TMEM47: variants seen among roughly 807,000 people sequenced by gnomAD.
TMEM47 encodes the protein transmembrane protein 47.
A neutral mutation model predicts 12.4 loss-of-function variants in TMEM47; 3 were observed. The observed-to-expected ratio is 0.24, with a 90% CI of 0.11 to 0.63. The LOEUF (loss-of-function observed/expected upper bound fraction) is 0.63, where lower values mean the gene tolerates loss of function less well. Ranked by LOEUF, TMEM47 falls within the 20% of genes least tolerant of loss-of-function variation. The probability of loss-of-function intolerance (pLI) is 0.86; values close to 1 mark genes in which losing one functional copy is unlikely to be tolerated. For missense variants in TMEM47, 89 were observed against 143.8 expected, an observed-to-expected ratio of 0.62 and a Z score of 1.95; for synonymous variants, 62 against 63.3, an observed-to-expected ratio of 0.98 and a Z score of 0.10.
intron 1 of TMEM47, among the ~76,000 whole-genome samples, chrX:34,652,825 T>C (rs1196701589): frequency 8.9e-6 from 1 of 111,872 alleles, no homozygotes; most frequent in African/African-American, 3.2e-5. Flanking sequence ...TTTATTCTTC[T>C]TATGTTCTTT....
intron 2 of TMEM47, among the ~76,000 whole-genome samples, chrX:34,632,442 T>C (rs1921643906): frequency 1.8e-5 from 2 of 111,808 alleles, no homozygotes; most frequent in Admixed American, 1.9e-4. Context: ...TCCTAGAAAG[T>C]CTACATAACA....
chrX:34,646,954 T>A (rs1271679575), intron 1 of TMEM47, among the ~76,000 whole-genome samples: 1 of 111,519 alleles, frequency 9.0e-6, no homozygotes. Context: ...AAAGACACCA[T>A]TTGTTTCACC....
In TMEM47 at chrX:34,629,316, T is replaced by TTTG. The variant is rs748001214; in HGVS notation, c.*996_*997insCAA. 23 of 111,468 alleles carry TTTG rather than the reference T, an allele frequency of 2.1e-4. No individual in the cohort carries two copies. Among genetic ancestry groups the TTTG allele is most frequent in the African/African-American group, 7.5e-4 (23 of 30,749 alleles). The allele number at this position is 111,468 out of a possible 1,213,427, so 9.2% of individuals were successfully genotyped here. A position where few individuals can be genotyped will look rare whatever the true frequency, so the allele number is the denominator to read the frequency against. ...CAGTAAAGAACATAGAGCAAAAGCT[T>TTTG]TAAGGTACCATACTTTTGTATGGTA... On this transcript the variant is annotated 3_prime_UTR_variant, in exon 3 of 3. Coordinates refer to ENST00000275954, the MANE Select transcript of TMEM47 (RefSeq NM_031442.4).
At chrX:34,633,596 G>A (rs1487766749) in intron 2 of TMEM47, among the ~76,000 whole-genome samples, 1 of 111,709 alleles carries the variant, frequency 9.0e-6, no homozygotes, top group Non-Finnish European at 1.9e-5. Flanking sequence ...CAGGCAGCTG[G>A]TAGAAGAGTT....
At chrX:34,641,144 G>C (rs1921810068) in intron 1 of TMEM47, among the ~76,000 whole-genome samples, 1 of 109,898 alleles carries the variant, frequency 9.1e-6, no homozygotes, top group South Asian at 3.8e-4. Flanking sequence ...AAATTTCTTG[G>C]GAAAAGTTTA....
chrX:34,656,546 C>T (rs1176246534), intron 1 of TMEM47, among the ~76,000 whole-genome samples: 1 of 110,883 alleles, frequency 9.0e-6, no homozygotes, highest in African/African-American at 3.3e-5. Context: ...CGTGTTACTC[C>T]AGAACAGGAG....
rs753636355 is a variant in TMEM47 at position 34,639,329 on chromosome X, T to C, written c.285A>G (p.Ala95=). ...LLGGAAIILI[A]FLVGLISICV... ...AGATAGAAATCAAACCCACCAGGAA[T>C]GCAATGAGAATGATGGCAGCGCCGC... The change falls in exon 2 of 3, where the codon GCA becomes GCG. Residue 95 remains alanine (A), a synonymous_variant. Coordinates refer to ENST00000275954, the MANE Select transcript of TMEM47 (RefSeq NM_031442.4). 2 of 1,207,876 alleles carry C rather than the reference T, an allele frequency of 1.7e-6. No individual in the cohort carries two copies. The highest frequency in any genetic ancestry group is 2.2e-5 in the Admixed American group (1 of 45,629).
intron 1 of TMEM47, among the ~76,000 whole-genome samples, chrX:34,654,570 A>G: frequency 8.9e-6 from 1 of 111,879 alleles, no homozygotes; most frequent in Admixed American, 9.5e-5. Flanking sequence ...CAGAAGCTTC[A>G]AATTCACATA....
Position 34,630,154 on chromosome X carries a change from G to A in TMEM47, c.*159C>T. 1 of 464,968 alleles carries A rather than the reference G, an allele frequency of 2.2e-6. No individual in the cohort carries two copies. Among genetic ancestry groups the A allele is most frequent in the African/African-American group, 2.4e-5 (1 of 42,148 alleles). 38.3% of individuals were successfully genotyped at this position (464,968 alleles called of 1,213,427 possible). A position where few individuals can be genotyped will look rare whatever the true frequency, so the allele number is the denominator to read the frequency against. Reference sequence around the variant, plus strand: ...GATTTCTAAAATGGATGTAAAAGCTGGTTATGATGTTGACAGCCAAAAGGC... The same window carrying A: ...GATTTCTAAAATGGATGTAAAAGCTAGTTATGATGTTGACAGCCAAAAGGC... On this transcript the variant is annotated 3_prime_UTR_variant, in exon 3 of 3. Coordinates refer to ENST00000275954, the MANE Select transcript of TMEM47 (RefSeq NM_031442.4).
At chrX:34,645,509 T>G in intron 1 of TMEM47, among the ~76,000 whole-genome samples, 1 of 111,169 alleles carries the variant, frequency 9.0e-6, no homozygotes, top group Non-Finnish European at 1.9e-5. Context: ...TCTACTTAAC[T>G]TTTAAAAGTT....
Position 34,628,132 on chromosome X carries a change from C to A in TMEM47, c.*2181G>T, listed in dbSNP as rs1921541963. 1 of 111,810 alleles carries A rather than the reference C, an allele frequency of 8.9e-6. No homozygotes were observed. Among genetic ancestry groups the A allele is most frequent in the African/African-American group, 3.3e-5 (1 of 30,698 alleles). The allele number at this position is 111,810 out of a possible 1,213,427, so 9.2% of individuals were successfully genotyped here. A position where few individuals can be genotyped will look rare whatever the true frequency, so the allele number is the denominator to read the frequency against. ...GTTTAACAGTACACTGCATCCTCTA[C>A]TAGGACCAAGAGAAGTGCCTCATTG... is the stretch of plus-strand genomic sequence containing the variant. On this transcript the variant is annotated 3_prime_UTR_variant, in exon 3 of 3. Coordinates refer to ENST00000275954, the MANE Select transcript of TMEM47 (RefSeq NM_031442.4).
Position 34,656,834 on chromosome X carries a change from T to C in TMEM47, c.196A>G (p.Ile66Val). ...CTGAGCGTGGACTCGCAGTGCCAGA[T>C]GTCCAAGCTGGCGGGTTTCCGGCAG... Reference protein sequence around the residue: ...ESCRKPASLDIWHCESTLSSD... With the variant: ...ESCRKPASLDVWHCESTLSSD... Residue 66 changes from isoleucine (I) to valine (V), a missense_variant, in exon 1 of 3, where the codon ATC becomes GTC. Coordinates refer to ENST00000275954, the MANE Select transcript of TMEM47 (RefSeq NM_031442.4). 1 of 1,169,441 alleles carries C rather than the reference T, an allele frequency of 8.6e-7. No homozygotes were observed. Among genetic ancestry groups the C allele is most frequent in the African/African-American group, 1.8e-5 (1 of 56,525 alleles).
Position 34,657,200 on chromosome X carries a change from G to A in TMEM47, c.-171C>T, listed in dbSNP as rs757969479. 231 of 774,992 alleles carry A rather than the reference G, an allele frequency of 3.0e-4. No homozygotes were observed. The African/African-American group carries it at 4.7e-3, about 16-fold the overall frequency. 63.9% of individuals were successfully genotyped at this position (774,992 alleles called of 1,213,427 possible). On this transcript the variant is annotated 5_prime_UTR_variant, in exon 1 of 3. Transcript: ENST00000275954. Reference sequence around the variant, plus strand: ...CGCGCGGCCAAGGTGGGTCTGCGGAGGCGGCCGGCCGGGTGTGGGTCGTCG... The same window carrying A: ...CGCGCGGCCAAGGTGGGTCTGCGGAAGCGGCCGGCCGGGTGTGGGTCGTCG...
At chrX:34,637,054 A>G (rs1921730218) in intron 2 of TMEM47, among the ~76,000 whole-genome samples, 1 of 112,241 alleles carries the variant, frequency 8.9e-6, no homozygotes, top group Non-Finnish European at 1.9e-5. Flanking sequence ...AATACGGAGA[A>G]AATAAATATC....
At chrX:34,648,262 G>A (rs917996159) in intron 1 of TMEM47, among the ~76,000 whole-genome samples, 1 of 111,811 alleles carries the variant, frequency 8.9e-6, no homozygotes, top group African/African-American at 3.2e-5. Context: ...AAAGTTGGTC[G>A]CATCACATTA....
chrX:34,648,809 T>A (rs1336633051), intron 1 of TMEM47, among the ~76,000 whole-genome samples: 1 of 112,380 alleles, frequency 8.9e-6, no homozygotes, highest in Non-Finnish European at 1.9e-5. Context: ...GACAAAGATC[T>A]AATAGCCAGC....
chrX:34,651,495 C>T (rs1922017577), intron 1 of TMEM47, among the ~76,000 whole-genome samples: 1 of 112,035 alleles, frequency 8.9e-6, no homozygotes, highest in Non-Finnish European at 1.9e-5. Context: ...CACAAGGGCT[C>T]CAGACATCCA....
intron 2 of TMEM47, among the ~76,000 whole-genome samples, chrX:34,635,961 A>T (rs1459086586): frequency 8.9e-6 from 1 of 111,989 alleles, no homozygotes; most frequent in South Asian, 3.7e-4. Context: ...TTGCCAGTGG[A>T]AGGTTAATAT....
intron 1 of TMEM47, among the ~76,000 whole-genome samples, chrX:34,652,991 A>G (rs1184002199): frequency 8.9e-6 from 1 of 112,207 alleles, no homozygotes; most frequent in East Asian, 2.8e-4. Flanking sequence ...GTGTTTTCGA[A>G]TTAAGGAATA....
Sources: gnomAD v4.1 joint callset for allele counts (sites outside exome capture counted in the v4.1 genomes callset) on GRCh38, gnomAD v4.1.1 for gene constraint, MANE v1.5 for transcripts, NCBI Gene and HGNC (gene_info 2026-07-23, HGNC 2026-07-21) for gene names.